The following LINGO2 variants were observed in gnomAD, a reference collection of about 807,000 sequenced individuals.
The protein encoded by LINGO2 is leucine rich repeat and Ig domain containing 2.
LINGO2 carries 14 observed loss-of-function variants against 30.6 expected under a neutral mutation model. That is an observed-to-expected ratio of 0.46 (90% confidence interval 0.30 to 0.72). The LOEUF (loss-of-function observed/expected upper bound fraction) is 0.72. Ranked by LOEUF, LINGO2 falls within the 30% of genes least tolerant of loss-of-function variation. The pLI, the probability that LINGO2 is intolerant of heterozygous loss-of-function variation, is 0.07. For synonymous variants in LINGO2, 317 were observed against 288.5 expected (o/e 1.10, Z -1.00); for missense variants, 729 against 751.7 (o/e 0.97, Z 0.35).
chr9:28,665,104 T>C (rs1204800415), intron 1 of LINGO2, among the ~76,000 whole-genome samples: 1 of 149,102 alleles, frequency 6.7e-6, no homozygotes, highest in Non-Finnish European at 1.5e-5. Flanking sequence ...TGAAAATGTG[T>C]TTTAGTAGGC....
At chr9:28,882,255 T>TA in the LINGO2 span, among the ~76,000 whole-genome samples, 1 of 152,332 alleles carries the variant, frequency 6.6e-6, no homozygotes, top group African/African-American at 2.4e-5. Flanking sequence ...AAAATTCACT[T>TA]AGCCACTAAA....
chr9:28,534,926 ATTTG>A (rs938223258), intron 1 of LINGO2, among the ~76,000 whole-genome samples: 2 of 152,178 alleles, frequency 1.3e-5, no homozygotes, highest in Non-Finnish European at 2.9e-5. Context: ...AAAATAAGAA[ATTTG>A]TTTGTATATA....
At chr9:28,348,323 T>C (rs1207395663) in intron 3 of LINGO2, among the ~76,000 whole-genome samples, 1 of 152,108 alleles carries the variant, frequency 6.6e-6, no homozygotes, top group Admixed American at 6.5e-5. Flanking sequence ...GGGCGAGGCA[T>C]TGCCTCACTT....
At chr9:28,907,584 A>G in the LINGO2 span, among the ~76,000 whole-genome samples, 3 of 151,802 alleles carry the variant, frequency 2.0e-5, no homozygotes, top group African/African-American at 7.2e-5. Context: ...CGTACTTAAT[A>G]AGACCACTCT....
chr9:28,948,525 AC>A, the LINGO2 span, among the ~76,000 whole-genome samples: 2 of 152,112 alleles, frequency 1.3e-5, no homozygotes, highest in South Asian at 4.1e-4. Context: ...TCGCTCTCAC[AC>A]ACAGATACAT....
intron 4 of LINGO2, among the ~76,000 whole-genome samples, chr9:28,026,117 A>G (rs946796405): frequency 2.0e-5 from 3 of 152,152 alleles, no homozygotes; most frequent in African/African-American, 2.4e-5. Context: ...ACTCCTGTTT[A>G]TGTTTCAGGA....
At chr9:28,204,895 T>C (rs947026388) in intron 4 of LINGO2, among the ~76,000 whole-genome samples, 1 of 152,140 alleles carries the variant, frequency 6.6e-6, no homozygotes, top group Non-Finnish European at 1.5e-5. Context: ...TTTCCTGGGT[T>C]TGGAGGGCAT....
intron 3 of LINGO2, among the ~76,000 whole-genome samples, chr9:28,311,448 T>A (rs10812777): frequency 2.6e-5 from 4 of 152,072 alleles, no homozygotes; most frequent in Non-Finnish European, 4.4e-5. Flanking sequence ...TACTGGAGAC[T>A]GGGGCTTATT....
rs114661938 is a variant in LINGO2, at chr9:28,361,419, G to A, written c.-246+11417C>T. Among the ~76,000 whole-genome samples the A allele has an allele frequency of 7.9e-3, 1,204 of 152,180 alleles. 19 individuals are homozygous for A. Among genetic ancestry groups the A allele is most frequent in the African/African-American group, 0.027 (1,106 of 41,520 alleles). On this transcript the variant is annotated intron_variant, in intron 3 of 5. Transcript: ENST00000379992. ...TTAGAACACATCTCTTGCAGACAAC[G>A]GGAGACTACTGTATTAGACATCTGA...
At chr9:28,643,648 C>T (rs1029172145) in intron 1 of LINGO2, among the ~76,000 whole-genome samples, 1 of 151,952 alleles carries the variant, frequency 6.6e-6, no homozygotes, top group Non-Finnish European at 1.5e-5. Context: ...GGAATACTCA[C>T]AAGCACAGAC....
the LINGO2 span, among the ~76,000 whole-genome samples, chr9:29,123,637 G>A: frequency 3.3e-5 from 5 of 151,838 alleles, no homozygotes; most frequent in African/African-American, 1.2e-4. Flanking sequence ...TTATATTTCT[G>A]ATTTAAGACA....
chr9:28,403,727 C>A (rs1822373519), intron 2 of LINGO2, among the ~76,000 whole-genome samples: 1 of 150,018 alleles, frequency 6.7e-6, no homozygotes, highest in Admixed American at 6.7e-5. Flanking sequence ...AAACTTTAAT[C>A]TAGTTTGGCA....
At chr9:28,644,931 G>A (rs1430761882) in intron 1 of LINGO2, among the ~76,000 whole-genome samples, 7 of 152,028 alleles carry the variant, frequency 4.6e-5, no homozygotes, top group Non-Finnish European at 1.0e-4. Context: ...AAAAAGTAGA[G>A]TCATTGCTAT....
chr9:28,043,011 G>T (rs953039425), intron 4 of LINGO2, among the ~76,000 whole-genome samples: 2 of 152,134 alleles, frequency 1.3e-5, no homozygotes, highest in Admixed American at 1.3e-4. Flanking sequence ...GTGACTTGAG[G>T]ATATTTCATG....
At chr9:28,900,244 G>A in the LINGO2 span, among the ~76,000 whole-genome samples, 2 of 152,130 alleles carry the variant, frequency 1.3e-5, no homozygotes, top group South Asian at 2.1e-4. Context: ...AGGCTCCAGT[G>A]GCCCCAGGGT....
the LINGO2 span, among the ~76,000 whole-genome samples, chr9:28,737,463 G>A: frequency 1.3e-5 from 2 of 152,144 alleles, no homozygotes; most frequent in African/African-American, 4.8e-5. Flanking sequence ...TAGTAAAGTG[G>A]CATATTTACT....
At chr9:28,894,911 T>G in the LINGO2 span, among the ~76,000 whole-genome samples, 2 of 152,106 alleles carry the variant, frequency 1.3e-5, no homozygotes, top group African/African-American at 4.8e-5. Context: ...AACACAGTTA[T>G]TAATTATAGT....
the LINGO2 span, among the ~76,000 whole-genome samples, chr9:29,164,478 A>G: frequency 4.0e-4 from 61 of 152,176 alleles, no homozygotes; most frequent in African/African-American, 1.3e-3. Context: ...AGTTATTTTC[A>G]TAACTCAAAA....
At chr9:29,171,081 T>C in the LINGO2 span, among the ~76,000 whole-genome samples, 1 of 152,272 alleles carries the variant, frequency 6.6e-6, no homozygotes, top group African/African-American at 2.4e-5. Context: ...AGGGTCTCAA[T>C]TGTAGTACCG....
Sources: gnomAD v4.1 joint callset for allele counts (sites outside exome capture counted in the v4.1 genomes callset) on GRCh38, gnomAD v4.1.1 for gene constraint, MANE v1.5 for transcripts, NCBI Gene and HGNC (gene_info 2026-07-23, HGNC 2026-07-21) for gene names.